TRDMT1: variants seen among roughly 807,000 people sequenced by gnomAD.
The protein encoded by TRDMT1 is tRNA (cytosine(38)-C(5))-methyltransferase.
A neutral mutation model predicts 51.2 loss-of-function variants in TRDMT1; 49 were observed. The observed-to-expected ratio is 0.96, with a 90% confidence interval of 0.76 to 1.21. TRDMT1 has a LOEUF of 1.21. Among genes scored for constraint, TRDMT1 ranks in the 50% most tolerant of loss-of-function variants. The pLI is 0.00. For synonymous variants in TRDMT1, 187 were observed against 164.6 expected (o/e 1.14, Z -1.04); for missense variants, 534 against 462.3 (o/e 1.16, Z -1.42).
Position 17,143,733 on chromosome 10 carries a change from T to C in TRDMT1, c.*5307A>G. On this transcript the variant is annotated 3_prime_UTR_variant, in exon 11 of 11. Transcript: ENST00000377799. ...ATAAATGATCGTTCAGAGGCCTGCC[T>C]TAGGAAGGCCATTTTAACAGAAGCT... The C allele has an allele frequency of 2.0e-6, 2 of 985,400 alleles. No homozygotes were observed. Among genetic ancestry groups the C allele is most frequent in the Non-Finnish European group, 2.4e-6 (2 of 829,918 alleles). 61.0% of individuals were successfully genotyped at this position (985,400 alleles called of 1,614,324 possible). A position where few individuals can be genotyped will look rare whatever the true frequency, so the allele number is the denominator to read the frequency against.
At chr10:17,169,286 TC>T in intron 2 of TRDMT1, 4 of 1,128,754 alleles carry the variant, frequency 3.5e-6, no homozygotes, top group Non-Finnish European at 4.5e-6. Context: ...GGAGATGGGG[TC>T]TAGGAAATTT....
intron 1 of TRDMT1, among the ~76,000 whole-genome samples, chr10:17,186,786 C>T (rs956616550): frequency 3.1e-4 from 47 of 151,958 alleles, no homozygotes; most frequent in African/African-American, 1.0e-3. Context: ...CTGAATGTCC[C>T]AGAATAGATG....
rs1388006483 is a variant in TRDMT1 at position 17,139,129 on chromosome 10, G to A, written c.*9911C>T. 2 of 971,962 alleles carry A rather than the reference G, an allele frequency of 2.1e-6. No homozygotes were observed. Among genetic ancestry groups the A allele is most frequent in the Non-Finnish European group, 2.4e-6 (2 of 817,744 alleles). The allele number at this position is 971,962 out of a possible 1,614,324, so 60.2% of individuals were successfully genotyped here. ...GCTCCATTGGATTAATCCAAGCTTG[G>A]TTTCCAAGGTGTGAAGCAATGAAGC... is the stretch of plus-strand genomic sequence containing the variant. On this transcript the variant is annotated 3_prime_UTR_variant, in exon 11 of 11. Coordinates refer to ENST00000377799, the MANE Select transcript of TRDMT1 (RefSeq NM_004412.7).
intron 10 of TRDMT1, chr10:17,151,633 T>C (rs56314943): frequency 1.0e-6 from 1 of 980,068 alleles, no homozygotes; most frequent in African/African-American, 1.8e-5. Flanking sequence ...AGGCTGTTTT[T>C]CTAAGTATTA....
intron 3 of TRDMT1, among the ~76,000 whole-genome samples, chr10:17,163,638 G>GAAAAA (rs1564286798): frequency 6.6e-6 from 1 of 150,976 alleles, no homozygotes; most frequent in Admixed American, 6.6e-5. Context: ...GACTAATAAA[G>GAAAAA]AAGAGAGAAG....
Position 17,160,298 on chromosome 10 carries a change from T to C in TRDMT1, c.459+7A>G, listed in dbSNP as rs751112176. On this transcript the variant is annotated splice_region_variant and intron_variant, in intron 6 of 10. Transcript: ENST00000377799. ...TTTATATAAGCATTTATAACTGTGA[T>C]ACCTACAGAGGTTGGAGATAATAGA... 1.1e-5 allele frequency: 16 copies of C among 1,509,136 alleles called. No individual in the cohort carries two copies. The highest frequency in any genetic ancestry group is 1.4e-5 in the African/African-American group (1 of 70,782). 93.5% of individuals were successfully genotyped at this position (1,509,136 alleles called of 1,614,324 possible).
chr10:17,141,598 G>A lies in TRDMT1; in HGVS notation c.*7442C>T, dbSNP rs1273858844. ...TGGTTCTTCTGTTATTGTCCCACAG[G>A]TCCCCAAGGCTCTGTTAATTTTTTT... On this transcript the variant is annotated 3_prime_UTR_variant, in exon 11 of 11. Coordinates refer to ENST00000377799, the MANE Select transcript of TRDMT1 (RefSeq NM_004412.7). Among the ~76,000 whole-genome samples, 1 of 152,008 alleles carries A rather than the reference G, an allele frequency of 6.6e-6. No individual in the cohort carries two copies. Among genetic ancestry groups the A allele is most frequent in the East Asian group, 1.9e-4 (1 of 5,188 alleles).
chr10:17,143,677 T>C lies in TRDMT1; in HGVS notation c.*5363A>G. On this transcript the variant is annotated 3_prime_UTR_variant, in exon 11 of 11. Coordinates refer to ENST00000377799, the MANE Select transcript of TRDMT1 (RefSeq NM_004412.7). The stretch of plus-strand genomic sequence containing the variant: ...AAATATATGTGTGGGTGTTTTTAAA[T>C]CTCAGTGACTTTTTATAAGTTTTCC... 1 of 985,470 alleles carries C rather than the reference T, an allele frequency of 1.0e-6. No individual in the cohort carries two copies. Among genetic ancestry groups the C allele is most frequent in the Non-Finnish European group, 1.2e-6 (1 of 829,940 alleles). 61.0% of individuals were successfully genotyped at this position (985,470 alleles called of 1,614,324 possible).
intron 1 of TRDMT1, among the ~76,000 whole-genome samples, chr10:17,192,013 G>T (rs562448800): frequency 6.6e-5 from 10 of 152,178 alleles, no homozygotes; most frequent in Admixed American, 2.0e-4. Context: ...ATTAGTCAGG[G>T]TGTGACACTG....
At position 17,146,452 on chromosome 10, in the gene TRDMT1, A is replaced by C; in HGVS notation, c.*2588T>G. 1.0e-6 allele frequency: 1 copy of C among 985,124 alleles called. No individual in the cohort carries two copies. Among genetic ancestry groups the C allele is most frequent in the Non-Finnish European group, 1.2e-6 (1 of 829,848 alleles). The allele number at this position is 985,124 out of a possible 1,614,324, so 61.0% of individuals were successfully genotyped here. A position where few individuals can be genotyped will look rare whatever the true frequency, so the allele number is the denominator to read the frequency against. On this transcript the variant is annotated 3_prime_UTR_variant, in exon 11 of 11. Coordinates refer to ENST00000377799, the MANE Select transcript of TRDMT1 (RefSeq NM_004412.7). ...CTGACCCCTCCTACAATGACTACCCACCTCTTCGAAATCATTTTCCAACTA... is the reference window on the plus strand; with the variant it reads ...CTGACCCCTCCTACAATGACTACCCCCCTCTTCGAAATCATTTTCCAACTA...
rs773910126 is a variant in TRDMT1, at chr10:17,151,013, G to T, written c.1076-1873C>A. ...TATATCTATGTGTGTGTGCATGTGT[G>T]TGTGTGTGCGTGCATCTGTGCATAT... On this transcript the variant is annotated intron_variant, in intron 10 of 10. Transcript: ENST00000377799. 63 of 978,294 alleles carry T rather than the reference G, an allele frequency of 6.4e-5. No homozygotes were observed. In the African/African-American group the frequency reaches 7.9e-4, roughly 12 times the overall value. 60.6% of individuals were successfully genotyped at this position (978,294 alleles called of 1,614,324 possible). A position where few individuals can be genotyped will look rare whatever the true frequency, so the allele number is the denominator to read the frequency against.
At position 17,138,194 on chromosome 10, in the gene TRDMT1, G is replaced by C. The variant is rs1228916930; in HGVS notation, c.*10846C>G. Among the ~76,000 whole-genome samples, 2 of 152,118 alleles carry C rather than the reference G, an allele frequency of 1.3e-5. No individual in the cohort carries two copies. The highest frequency in any genetic ancestry group is 4.8e-5 in the African/African-American group (2 of 41,418). On this transcript the variant is annotated 3_prime_UTR_variant, in exon 11 of 11. Transcript: ENST00000377799. ...CAATCTGGCTTTTGTGCTTTTTTTA[G>C]TCCCTTTTCATTTTCATATCAGTTT...
chr10:17,197,408 A>G (rs1845597634), intron 1 of TRDMT1, among the ~76,000 whole-genome samples: 1 of 152,248 alleles, frequency 6.6e-6, no homozygotes, highest in Non-Finnish European at 1.5e-5. Context: ...TTTAGAAAAT[A>G]CAGAAGCATC....
intron 6 of TRDMT1, 137 bp downstream of exon 6, chr10:17,160,168 C>A: frequency 2.1e-6 from 1 of 467,648 alleles, no homozygotes; most frequent in South Asian, 6.7e-5. Context: ...GAAGGAAGAC[C>A]CATAATCTAA....
rs1377241806 is a variant in TRDMT1, at chr10:17,142,340, G to A, written c.*6700C>T. 6.6e-6 allele frequency: 1 copy of A among 152,248 alleles called. No homozygotes were observed. The highest frequency in any genetic ancestry group is 1.5e-5 in the Non-Finnish European group (1 of 68,054). The allele number at this position is 152,248 out of a possible 1,614,324, so 9.4% of individuals were successfully genotyped here. A position where few individuals can be genotyped will look rare whatever the true frequency, so the allele number is the denominator to read the frequency against. ...TTAGTTTTTGTGGGCTATGAGTCCAGTGGTAATTTAGTTTTTAAAGCCTTT... is the reference window on the plus strand; with the variant it reads ...TTAGTTTTTGTGGGCTATGAGTCCAATGGTAATTTAGTTTTTAAAGCCTTT... On this transcript the variant is annotated 3_prime_UTR_variant, in exon 11 of 11. Transcript: ENST00000377799.
At chr10:17,154,125 T>C (rs554346260) in intron 9 of TRDMT1, among the ~76,000 whole-genome samples, 1 of 152,278 alleles carries the variant, frequency 6.6e-6, no homozygotes, top group Admixed American at 6.5e-5. Context: ...ATTTTTACCA[T>C]GGGTAAATTT....
chr10:17,176,685 A>G (rs1842662753), intron 1 of TRDMT1, among the ~76,000 whole-genome samples: 1 of 152,190 alleles, frequency 6.6e-6, no homozygotes, highest in Non-Finnish European at 1.5e-5. Context: ...TTCTCAAAAT[A>G]GAATTGGGGG....
chr10:17,181,335 AGTT>A (rs1347989483), intron 1 of TRDMT1, among the ~76,000 whole-genome samples: 1 of 152,146 alleles, frequency 6.6e-6, no homozygotes, highest in Non-Finnish European at 1.5e-5. Flanking sequence ...ATCACACTCC[AGTT>A]CACTCTGCTG....
intron 3 of TRDMT1, among the ~76,000 whole-genome samples, chr10:17,165,860 C>T (rs898172977): frequency 1.3e-5 from 2 of 152,032 alleles, no homozygotes; most frequent in Non-Finnish European, 2.9e-5. Flanking sequence ...TCATTAAAAA[C>T]TCAGGAAACA....
Sources: allele counts gnomAD v4.1 joint callset (sites outside exome capture counted in the v4.1 genomes callset), GRCh38; gene constraint gnomAD v4.1.1; transcripts MANE v1.5; gene names NCBI Gene and HGNC (gene_info 2026-07-23, HGNC 2026-07-21).